The following ANKS1B variants were observed in gnomAD, a reference collection of about 807,000 sequenced individuals.
The protein encoded by ANKS1B is ankyrin repeat and sterile alpha motif domain containing 1B.
Under a neutral mutation model 148.3 loss-of-function variants are expected in ANKS1B, and 36 were observed. The ratio of observed to expected loss-of-function variants is 0.24; its 90% CI spans 0.19 to 0.32. The LOEUF (loss-of-function observed/expected upper bound fraction) is 0.32, where lower values mean the gene tolerates loss of function less well. Among genes scored for constraint, ANKS1B ranks in the 10% least tolerant of loss-of-function variants. The pLI is 1.00. For missense variants in ANKS1B, 1,157 were observed against 1,542.6 expected, an observed-to-expected ratio of 0.75 and a Z score of 4.19; for synonymous variants, 542 against 560.8, an observed-to-expected ratio of 0.97 and a Z score of 0.47.
At chr12:98,825,714 AC>A (rs2099243560) in intron 19 of ANKS1B, among the ~76,000 whole-genome samples, 1 of 151,452 alleles carries the variant, frequency 6.6e-6, no homozygotes. Flanking sequence ...TCATTCCATC[AC>A]TCTCTTATTG....
At chr12:99,737,299 C>T (rs536373294) in intron 8 of ANKS1B, among the ~76,000 whole-genome samples, 13 of 152,046 alleles carry the variant, frequency 8.6e-5, no homozygotes, top group African/African-American at 1.4e-4. Context: ...TGCCCATCAA[C>T]GGATGAATGG....
At chr12:98,794,579 G>T in intron 22 of ANKS1B, 1 of 758,472 alleles carries the variant, frequency 1.3e-6, no homozygotes, top group Non-Finnish European at 2.3e-6. Flanking sequence ...TTCAGATTTT[G>T]TAAATCTAAA....
Position 99,597,933 on chromosome 12 carries a change from T to C in ANKS1B, c.1272+57134A>G, listed in dbSNP as rs1218605217. On this transcript the variant is annotated intron_variant, in intron 9 of 26. Transcript: ENST00000683438. ...TAGTCATTTTCCTTAAACCAAGTGT[T>C]AAATTATTTTTTAAGTCTCTCAGAT... Among the ~76,000 whole-genome samples, 4 of 152,134 alleles carry C rather than the reference T, an allele frequency of 2.6e-5. No homozygotes were observed. In the East Asian group the frequency reaches 5.8e-4, roughly 22 times the overall value.
At chr12:99,596,279 A>C (rs1336222410) in intron 9 of ANKS1B, among the ~76,000 whole-genome samples, 1 of 151,724 alleles carries the variant, frequency 6.6e-6, no homozygotes, top group Admixed American at 6.6e-5. Flanking sequence ...TGCTTCTTTC[A>C]ATCTTCTCAT....
intron 9 of ANKS1B, among the ~76,000 whole-genome samples, chr12:99,580,046 A>G (rs1484404683): frequency 6.6e-6 from 1 of 152,200 alleles, no homozygotes; most frequent in Non-Finnish European, 1.5e-5. Context: ...TGTCCTTTGC[A>G]TCAACATGGA....
chr12:99,305,728 G>C (rs898734913), intron 12 of ANKS1B, among the ~76,000 whole-genome samples: 2 of 152,090 alleles, frequency 1.3e-5, no homozygotes, highest in African/African-American at 4.8e-5. Context: ...AATAACCACA[G>C]AAAGGAGCCT....
At chr12:99,591,034 A>T (rs910988843) in intron 9 of ANKS1B, among the ~76,000 whole-genome samples, 5 of 150,220 alleles carry the variant, frequency 3.3e-5, no homozygotes, top group African/African-American at 1.2e-4. Context: ...GGTAAAGAAT[A>T]TTTTTTTTTT....
chr12:98,859,996 T>G (rs535741877), intron 17 of ANKS1B, among the ~76,000 whole-genome samples: 1 of 152,334 alleles, frequency 6.6e-6, no homozygotes, highest in South Asian at 2.1e-4. Flanking sequence ...TAAGCTGCAA[T>G]AAGTACAGCT....
chr12:98,941,664 C>A (rs971332554), intron 17 of ANKS1B, among the ~76,000 whole-genome samples: 2 of 152,164 alleles, frequency 1.3e-5, no homozygotes, highest in South Asian at 4.1e-4. Flanking sequence ...AATCTCAGGG[C>A]AAATCTGCCC....
chr12:99,177,219 CTG>C (rs1174255105), intron 14 of ANKS1B, among the ~76,000 whole-genome samples: 1 of 152,222 alleles, frequency 6.6e-6, no homozygotes, highest in East Asian at 1.9e-4. Flanking sequence ...GCCCATACCT[CTG>C]TTCCCTGACG....
chr12:99,328,346 A>G (rs1603009130), intron 12 of ANKS1B, among the ~76,000 whole-genome samples: 1 of 151,962 alleles, frequency 6.6e-6, no homozygotes, highest in African/African-American at 2.4e-5. Context: ...GAAGATCCAT[A>G]GAGGAACTCC....
chr12:99,062,572 A>G (rs1309184289), intron 16 of ANKS1B, among the ~76,000 whole-genome samples: 1 of 152,186 alleles, frequency 6.6e-6, no homozygotes, highest in Non-Finnish European at 1.5e-5. Context: ...GACGTCTAAT[A>G]AAATGATGAA....
intron 16 of ANKS1B, among the ~76,000 whole-genome samples, chr12:99,066,820 C>T (rs2044519877): frequency 6.6e-6 from 1 of 152,170 alleles, no homozygotes; most frequent in African/African-American, 2.4e-5. Flanking sequence ...TGTTCTCTAA[C>T]ATGGATCAGG....
In ANKS1B at chr12:98,829,249, G is replaced by A. The variant is rs777723722; in HGVS notation, c.2991C>T (p.Gly997=). The part of the protein sequence containing the change: ...SLDVPHIIMQ[G]DARRRRNENY... ...TTTCATTTCTTCTCCTCCTTGCATCGCCCTGCATGATAATGTGAGGAACGT... is the reference window on the plus strand; with the variant it reads ...TTTCATTTCTTCTCCTCCTTGCATCACCCTGCATGATAATGTGAGGAACGT... Residue 997 remains glycine (G), a synonymous_variant, in exon 19 of 27, where the codon GGC becomes GGT. Transcript: ENST00000683438. This position sits in a 1 kb window ranked among gnomAD's most constrained non-coding sequence, Gnocchi z 5.2. 2.6e-5 allele frequency: 42 copies of A among 1,613,842 alleles called. No individual in the cohort carries two copies. Among genetic ancestry groups the A allele is most frequent in the Non-Finnish European group, 3.3e-5 (39 of 1,179,878 alleles).
chr12:99,853,541 AC>A (rs2088394648), intron 1 of ANKS1B, among the ~76,000 whole-genome samples: 1 of 152,160 alleles, frequency 6.6e-6, no homozygotes. Flanking sequence ...GGGGGAGAGC[AC>A]CACATCAAGG....
rs571784254 is a variant in ANKS1B, at chr12:98,766,916, C to T, written c.3579+6126G>A. ...TGTCTCCTAGGCCCAAGAGATCCTC[C>T]CACCTCAGCCTCCCGAGTAGCTGGC... On this transcript the variant is annotated intron_variant, in intron 25 of 26. Coordinates refer to ENST00000683438, the MANE Select transcript of ANKS1B (RefSeq NM_001352186.2). Among the ~76,000 whole-genome samples, 151 of 152,162 alleles carry T rather than the reference C, an allele frequency of 9.9e-4. 1 individual carries two copies. Among genetic ancestry groups the T allele is most frequent in the African/African-American group, 3.5e-3 (146 of 41,508 alleles).
At chr12:99,134,336 G>A (rs1009658368) in intron 15 of ANKS1B, among the ~76,000 whole-genome samples, 60 of 152,134 alleles carry the variant, frequency 3.9e-4, no homozygotes, top group African/African-American at 1.2e-3. Context: ...TAAATTTCCA[G>A]AAGTCAGAAA....
At chr12:99,690,920 A>C (rs1185884618) in intron 8 of ANKS1B, among the ~76,000 whole-genome samples, 2 of 152,236 alleles carry the variant, frequency 1.3e-5, no homozygotes, top group Non-Finnish European at 2.9e-5. Flanking sequence ...GAGGGTCTTC[A>C]TAAGGGCTCT....
chr12:99,747,352 T>A (rs973520074), intron 8 of ANKS1B, among the ~76,000 whole-genome samples: 2 of 152,060 alleles, frequency 1.3e-5, no homozygotes, highest in African/African-American at 4.8e-5. Context: ...CCCTCTCTCC[T>A]GCAACCTATA....
Sources: gnomAD v4.1 joint callset for allele counts (sites outside exome capture counted in the v4.1 genomes callset) on GRCh38, gnomAD v4.1.1 for gene constraint, Gnocchi (gnomAD v3.1) non-coding constraint, MANE v1.5 for transcripts, NCBI Gene and HGNC (gene_info 2026-07-23, HGNC 2026-07-21) for gene names.